SMYD3: variants seen among roughly 807,000 people sequenced by gnomAD.
SMYD3 encodes the protein histone-lysine N-methyltransferase SMYD3.
A neutral mutation model predicts 57.7 loss-of-function variants in SMYD3; 36 were observed. The ratio of observed to expected loss-of-function variants is 0.62; its 90% CI spans 0.48 to 0.82. SMYD3 has a LOEUF of 0.82. SMYD3 is among the 40% of genes least tolerant of loss of function. The pLI, the probability that SMYD3 is intolerant of heterozygous loss-of-function variation, is 0.00. For synonymous variants in SMYD3, 211 were observed against 195.0 expected, an observed-to-expected ratio of 1.08 and a Z score of -0.68; for missense variants, 515 against 538.8, an observed-to-expected ratio of 0.96 and a Z score of 0.44.
chr1:246,235,374 A>G (rs1187487264), intron 5 of SMYD3, among the ~76,000 whole-genome samples: 1 of 152,212 alleles, frequency 6.6e-6, no homozygotes, highest in Non-Finnish European at 1.5e-5. Context: ...GTCCTTCCTG[A>G]ATATGTTGCA....
chr1:246,011,727 C>G (rs12087662), intron 5 of SMYD3, among the ~76,000 whole-genome samples: 1 of 152,174 alleles, frequency 6.6e-6, no homozygotes, highest in African/African-American at 2.4e-5. Context: ...TGGAGGGGCA[C>G]TGGCTCTAGC....
At chr1:246,356,457 G>A (rs2065911740) in intron 1 of SMYD3, among the ~76,000 whole-genome samples, 1 of 152,130 alleles carries the variant, frequency 6.6e-6, no homozygotes, top group Non-Finnish European at 1.5e-5. Context: ...TATCCGGATT[G>A]CAAGAAAAAG....
At chr1:246,317,963 A>G (rs1383470558) in intron 5 of SMYD3, among the ~76,000 whole-genome samples, 3 of 152,226 alleles carry the variant, frequency 2.0e-5, no homozygotes, top group Non-Finnish European at 4.4e-5. Flanking sequence ...TGAAGAACTT[A>G]GTATAATGGC....
intron 5 of SMYD3, among the ~76,000 whole-genome samples, chr1:246,144,043 C>G (rs1381967085): frequency 6.6e-6 from 1 of 152,190 alleles, no homozygotes; most frequent in African/African-American, 2.4e-5. Context: ...TGGAGATTTT[C>G]TTCTCCATTC....
chr1:246,260,570 C>A (rs981061963), intron 5 of SMYD3, among the ~76,000 whole-genome samples: 2 of 152,052 alleles, frequency 1.3e-5, no homozygotes, highest in South Asian at 2.1e-4. Context: ...CCTGCCTCAG[C>A]CTCCTGAGTA....
chr1:246,191,400 G>A (rs1419154881), intron 5 of SMYD3, among the ~76,000 whole-genome samples: 1 of 152,168 alleles, frequency 6.6e-6, no homozygotes, highest in Non-Finnish European at 1.5e-5. Context: ...TTAACCTTGG[G>A]TGGCCTTGAC....
chr1:245,811,269 T>C (rs80188533), intron 10 of SMYD3, among the ~76,000 whole-genome samples: 4,843 of 152,332 alleles, frequency 0.032, 109 homozygotes, highest in South Asian at 0.067. Flanking sequence ...ACAGTAGTTA[T>C]CTCTAACTTG....
At position 246,296,460 on chromosome 1, in the gene SMYD3, G is replaced by A. The variant is rs115898564; in HGVS notation, c.531+30741C>T. 8.4e-3 allele frequency among the ~76,000 whole-genome samples: 1,279 copies of A among 152,230 alleles called. 20 individuals carry two copies. The highest frequency in any genetic ancestry group is 0.028 in the African/African-American group (1,180 of 41,558). ...CAAGAAAATACCTACATTCATGACA[G>A]AAGAAACTGGCTCTTGCCTTAACCT... On this transcript the variant is annotated intron_variant, in intron 5 of 11. Coordinates refer to ENST00000490107, the MANE Select transcript of SMYD3 (RefSeq NM_001167740.2).
chr1:246,385,690 T>C (rs1365032195), intron 1 of SMYD3, among the ~76,000 whole-genome samples: 2 of 152,186 alleles, frequency 1.3e-5, no homozygotes, highest in African/African-American at 4.8e-5. Context: ...AGAAATGAAA[T>C]GGACATGGAC....
intron 5 of SMYD3, among the ~76,000 whole-genome samples, chr1:246,059,048 T>G (rs2060205320): frequency 6.6e-6 from 1 of 152,060 alleles, no homozygotes; most frequent in South Asian, 2.1e-4. Flanking sequence ...CTAAATTTTT[T>G]TGTATTTTTA....
chr1:246,452,258 C>T (rs1203554435), intron 1 of SMYD3, among the ~76,000 whole-genome samples: 1 of 152,170 alleles, frequency 6.6e-6, no homozygotes, highest in African/African-American at 2.4e-5. Flanking sequence ...GTAATTCTAG[C>T]ACTTTGGGAG....
intron 1 of SMYD3, among the ~76,000 whole-genome samples, chr1:246,371,252 A>G (rs2066187915): frequency 6.6e-6 from 1 of 152,228 alleles, no homozygotes; most frequent in Non-Finnish European, 1.5e-5. Flanking sequence ...ATCATTGGAA[A>G]TAAGTGAATT....
At chr1:245,932,402 C>G (rs547520689) in intron 5 of SMYD3, among the ~76,000 whole-genome samples, 69 of 152,182 alleles carry the variant, frequency 4.5e-4, no homozygotes, top group Non-Finnish European at 9.3e-4. Context: ...TGACTTCCCT[C>G]TTTAGCAGCA....
At chr1:246,379,897 G>A (rs540960249) in intron 1 of SMYD3, among the ~76,000 whole-genome samples, 2 of 151,946 alleles carry the variant, frequency 1.3e-5, no homozygotes, top group South Asian at 2.1e-4. Context: ...CTACTCAAGA[G>A]GCTGAGGCAG....
intron 10 of SMYD3, among the ~76,000 whole-genome samples, chr1:245,802,529 C>G (rs1328705926): frequency 1.3e-5 from 2 of 152,134 alleles, no homozygotes; most frequent in Non-Finnish European, 2.9e-5. Flanking sequence ...GCATACCTCC[C>G]CAAAGCAGGA....
At chr1:246,048,070 G>A (rs778970724) in intron 5 of SMYD3, among the ~76,000 whole-genome samples, 20 of 151,930 alleles carry the variant, frequency 1.3e-4, no homozygotes, top group Admixed American at 2.0e-4. Flanking sequence ...CCTATAAATC[G>A]ATAAGGAAAA....
At chr1:246,386,323 T>C (rs1257015349) in intron 1 of SMYD3, among the ~76,000 whole-genome samples, 1 of 152,222 alleles carries the variant, frequency 6.6e-6, no homozygotes, top group African/African-American at 2.4e-5. Flanking sequence ...GGAGTTAAAA[T>C]GAACTTGCTA....
At chr1:246,362,643 G>C (rs2066013798) in intron 1 of SMYD3, among the ~76,000 whole-genome samples, 2 of 152,228 alleles carry the variant, frequency 1.3e-5, no homozygotes, top group Non-Finnish European at 2.9e-5. Flanking sequence ...GTATTTTTTT[G>C]GTGGAGACGG....
intron 5 of SMYD3, among the ~76,000 whole-genome samples, chr1:246,281,706 G>A (rs997995089): frequency 6.6e-6 from 1 of 152,022 alleles, no homozygotes; most frequent in African/African-American, 2.4e-5. Flanking sequence ...ACATACTATG[G>A]GCATAACCTA....
Sources: gnomAD v4.1 joint callset for allele counts (sites outside exome capture counted in the v4.1 genomes callset) on GRCh38, gnomAD v4.1.1 for gene constraint, MANE v1.5 for transcripts, NCBI Gene and HGNC (gene_info 2026-07-23, HGNC 2026-07-21) for gene names.